KLHL1: variants seen among roughly 807,000 people sequenced by gnomAD.
The protein encoded by KLHL1 is kelch-like protein 1.
In KLHL1, 47 loss-of-function variants were observed where a neutral mutation model predicts 77.7. The observed-to-expected ratio is 0.60, with a 90% CI of 0.48 to 0.77. The LOEUF is 0.77. Ranked by LOEUF, KLHL1 falls within the 30% of genes least tolerant of loss-of-function variation. The pLI is 0.00. For synonymous variants in KLHL1, 360 were observed against 325.2 expected (o/e 1.11, Z -1.15); for missense variants, 925 against 910.8 (o/e 1.02, Z -0.20).
intron 1 of KLHL1, among the ~76,000 whole-genome samples, chr13:69,992,647 G>T (rs909786638): frequency 2.0e-5 from 3 of 151,950 alleles, no homozygotes; most frequent in Non-Finnish European, 1.5e-5. Flanking sequence ...GATACAGAAT[G>T]ATCCTTTATC....
intron 7 of KLHL1, among the ~76,000 whole-genome samples, chr13:69,774,121 C>A (rs1875707439): frequency 6.6e-6 from 1 of 151,784 alleles, no homozygotes; most frequent in Non-Finnish European, 1.5e-5. Context: ...AGTAACACAG[C>A]AGTATTACTC....
intron 5 of KLHL1, among the ~76,000 whole-genome samples, chr13:69,879,209 A>AT (rs951237637): frequency 7.9e-5 from 12 of 152,076 alleles, no homozygotes; most frequent in African/African-American, 2.9e-4. Flanking sequence ...TATAATAAAA[A>AT]ATATATATAT....
intron 5 of KLHL1, among the ~76,000 whole-genome samples, chr13:69,841,322 G>C (rs1416354970): frequency 1.3e-5 from 2 of 151,240 alleles, no homozygotes; most frequent in Non-Finnish European, 3.0e-5. Context: ...AAAACCAAAA[G>C]ACTCAACAAA....
At chr13:69,918,534 T>C (rs1169912198) in intron 4 of KLHL1, among the ~76,000 whole-genome samples, 1 of 152,002 alleles carries the variant, frequency 6.6e-6, no homozygotes, top group African/African-American at 2.4e-5. Flanking sequence ...TTCTTTACCT[T>C]GCTTGCCAGC....
chr13:69,905,317 T>A (rs1882009751), intron 4 of KLHL1, among the ~76,000 whole-genome samples: 1 of 152,098 alleles, frequency 6.6e-6, no homozygotes, highest in Non-Finnish European at 1.5e-5. Context: ...GCCTTTAATT[T>A]TGAACTAATT....
intron 1 of KLHL1, among the ~76,000 whole-genome samples, chr13:70,022,035 T>TA (rs1742820721): frequency 6.6e-6 from 1 of 152,020 alleles, no homozygotes; most frequent in Non-Finnish European, 1.5e-5. Context: ...CCTTTGGTGT[T>TA]ATAGATACAG....
chr13:69,755,771 C>T (rs1874696134), intron 7 of KLHL1, among the ~76,000 whole-genome samples: 1 of 151,996 alleles, frequency 6.6e-6, no homozygotes, highest in South Asian at 2.1e-4. Flanking sequence ...TATTGTATTT[C>T]AATAATTGCT....
At chr13:69,717,682 C>T (rs1194487684) in intron 9 of KLHL1, among the ~76,000 whole-genome samples, 1 of 152,102 alleles carries the variant, frequency 6.6e-6, no homozygotes, top group Non-Finnish European at 1.5e-5. Context: ...GTAGGAGGCT[C>T]ATCATATTCA....
intron 1 of KLHL1, among the ~76,000 whole-genome samples, chr13:70,024,879 A>G (rs192825375): frequency 2.6e-5 from 4 of 151,898 alleles, no homozygotes; most frequent in African/African-American, 9.7e-5. Context: ...TGTGCCTCTA[A>G]GGATATGCAG....
intron 5 of KLHL1, among the ~76,000 whole-genome samples, chr13:69,876,894 G>A (rs565652175): frequency 1.9e-4 from 29 of 152,118 alleles, no homozygotes; most frequent in Non-Finnish European, 2.5e-4. Context: ...AAAATTAGCC[G>A]TGCGTGGTGG....
At chr13:69,737,300 A>C (rs1198975768) in intron 8 of KLHL1, among the ~76,000 whole-genome samples, 3 of 152,242 alleles carry the variant, frequency 2.0e-5, no homozygotes, top group Non-Finnish European at 4.4e-5. Context: ...CACTGGACAC[A>C]GGAGTATTTG....
intron 1 of KLHL1, among the ~76,000 whole-genome samples, chr13:69,996,706 C>T (rs903291270): frequency 6.6e-6 from 1 of 151,932 alleles, no homozygotes; most frequent in African/African-American, 2.4e-5. Context: ...AATGCATATA[C>T]CAACACACTT....
chr13:70,048,873 T>G (rs557680717), intron 1 of KLHL1, among the ~76,000 whole-genome samples: 247 of 152,310 alleles, frequency 1.6e-3, no homozygotes, highest in Middle Eastern at 0.01. Flanking sequence ...ACCCCTGCTA[T>G]AAACAATACT....
intron 7 of KLHL1, among the ~76,000 whole-genome samples, chr13:69,784,673 A>T (rs1342573539): frequency 6.6e-6 from 1 of 151,428 alleles, no homozygotes; most frequent in Non-Finnish European, 1.5e-5. Context: ...AGGAGCACCC[A>T]GATTCATAAA....
intron 2 of KLHL1, among the ~76,000 whole-genome samples, chr13:69,963,982 T>G (rs2137274444): frequency 6.6e-6 from 1 of 152,264 alleles, no homozygotes; most frequent in South Asian, 2.1e-4. Flanking sequence ...GGGTGATTTT[T>G]TTTGAACTTG....
chr13:69,737,531 C>T (rs563361860), intron 8 of KLHL1, among the ~76,000 whole-genome samples: 2 of 152,332 alleles, frequency 1.3e-5, no homozygotes, highest in South Asian at 4.1e-4. Context: ...TGGCTCCAGT[C>T]AGCTGTTTCC....
chr13:69,914,309 A>C, intron 4 of KLHL1, among the ~76,000 whole-genome samples: 1 of 152,178 alleles, frequency 6.6e-6, no homozygotes, highest in East Asian at 1.9e-4. Flanking sequence ...ACTCAACAAT[A>C]AAATTTCTAA....
intron 1 of KLHL1, among the ~76,000 whole-genome samples, chr13:70,042,816 C>A (rs1032704867): frequency 1.3e-4 from 20 of 152,286 alleles, no homozygotes; most frequent in African/African-American, 4.1e-4. Context: ...TAGGAGATGA[C>A]AGCTCCATGC....
intron 6 of KLHL1, among the ~76,000 whole-genome samples, chr13:69,834,226 C>T (rs536667776): frequency 6.6e-6 from 1 of 151,738 alleles, no homozygotes; most frequent in East Asian, 1.9e-4. Context: ...CTGTTTCCCA[C>T]AAACCTATTG....
Sources: allele counts gnomAD v4.1 joint callset (sites outside exome capture counted in the v4.1 genomes callset), GRCh38; gene constraint gnomAD v4.1.1; transcripts MANE v1.5; gene names NCBI Gene and HGNC (gene_info 2026-07-23, HGNC 2026-07-21).